TECRL: variants seen among roughly 807,000 people sequenced by gnomAD.
The protein encoded by TECRL is trans-2,3-enoyl-CoA reductase like.
A neutral mutation model predicts 52.8 loss-of-function variants in TECRL; 63 were observed. The ratio of observed to expected loss-of-function variants is 1.19; its 90% CI spans 0.97 to 1.47. TECRL has a LOEUF of 1.47. Ranked by LOEUF, TECRL falls within the 40% of genes most tolerant of loss-of-function variation. The pLI is 0.00. For synonymous variants in TECRL, 164 were observed against 141.9 expected (o/e 1.16, Z -1.10); for missense variants, 482 against 429.6 (o/e 1.12, Z -1.08).
In TECRL at chr4:64,278,335, A is replaced by G. The variant is rs1358907776; in HGVS notation, c.*1737T>C. The G allele has an allele frequency of 2.9e-5, 5 of 174,336 alleles. No homozygotes were observed. In the East Asian group the frequency reaches 9.5e-4, roughly 33 times the overall value. 10.8% of individuals were successfully genotyped at this position (174,336 alleles called of 1,614,324 possible). Reference sequence around the variant, plus strand: ...TTCCGCAAGAATTTGAACTAATGACATAATACCTATGACACATCTCACTAA... The same window carrying G: ...TTCCGCAAGAATTTGAACTAATGACGTAATACCTATGACACATCTCACTAA... On this transcript the variant is annotated 3_prime_UTR_variant, in exon 12 of 12. Coordinates refer to ENST00000381210, the MANE Select transcript of TECRL (RefSeq NM_001010874.5).
chr4:64,373,385 C>T (rs1722117173), intron 2 of TECRL, among the ~76,000 whole-genome samples: 1 of 151,696 alleles, frequency 6.6e-6, no homozygotes, highest in Non-Finnish European at 1.5e-5. Context: ...GTCATATTGT[C>T]AGCTATCTAC....
intron 2 of TECRL, among the ~76,000 whole-genome samples, chr4:64,363,015 A>ACG (rs1721306155): frequency 6.8e-6 from 1 of 147,728 alleles, no homozygotes; most frequent in Non-Finnish European, 1.5e-5. Flanking sequence ...CAGGCACATA[A>ACG]AAAAAAAAAA....
intron 1 of TECRL, 72 bp downstream of exon 1, chr4:64,409,046 G>A (rs1381655385): frequency 6.3e-6 from 8 of 1,278,838 alleles, no homozygotes; most frequent in African/African-American, 3.0e-5. Flanking sequence ...ATTTAATCAA[G>A]CAATCAATAA....
intron 7 of TECRL, among the ~76,000 whole-genome samples, chr4:64,304,555 A>C (rs1724215617): frequency 6.6e-6 from 1 of 152,082 alleles, no homozygotes; most frequent in Non-Finnish European, 1.5e-5. Flanking sequence ...TGAGCTTTAC[A>C]TTGTGTGCCT....
intron 2 of TECRL, among the ~76,000 whole-genome samples, chr4:64,367,794 G>T (rs902376519): frequency 2.6e-5 from 4 of 152,136 alleles, no homozygotes; most frequent in Non-Finnish European, 5.9e-5. Flanking sequence ...AATTTTTTCA[G>T]TTGTAAATTG....
Position 64,383,089 on chromosome 4 carries a change from A to T in TECRL, c.235-7866T>A, listed in dbSNP as rs573015490. ...TCTTGATTGTCAGTACTTTTAATAC[A>T]TTATCCTATTCTCTCCTGTACTTAA... On this transcript the variant is annotated intron_variant, in intron 1 of 11. Coordinates refer to ENST00000381210, the MANE Select transcript of TECRL (RefSeq NM_001010874.5). Among the ~76,000 whole-genome samples, 5 of 152,214 alleles carry T rather than the reference A, an allele frequency of 3.3e-5. No individual in the cohort carries two copies. The East Asian group carries it at 9.7e-4, about 29-fold the overall frequency.
chr4:64,349,680 T>A (rs1321699582), intron 2 of TECRL, among the ~76,000 whole-genome samples: 1 of 152,184 alleles, frequency 6.6e-6, no homozygotes, highest in African/African-American at 2.4e-5. Flanking sequence ...TTAATTTAAT[T>A]GAGAACTATG....
intron 1 of TECRL, among the ~76,000 whole-genome samples, chr4:64,404,233 A>C (rs1373358916): frequency 6.6e-6 from 1 of 151,538 alleles, no homozygotes; most frequent in African/African-American, 2.4e-5. Context: ...AAAAAAAAAA[A>C]AAACAATAGG....
At chr4:64,318,138 T>C (rs1025556114) in intron 4 of TECRL, among the ~76,000 whole-genome samples, 42 of 152,114 alleles carry the variant, frequency 2.8e-4, no homozygotes, top group African/African-American at 9.4e-4. Flanking sequence ...ATCATTAAAA[T>C]TTTTCACATA....
At chr4:64,292,820 C>T (rs746072881) in intron 8 of TECRL, among the ~76,000 whole-genome samples, 5 of 151,806 alleles carry the variant, frequency 3.3e-5, no homozygotes, top group Non-Finnish European at 7.4e-5. Context: ...AAGGTGTACA[C>T]TAAAATAGTT....
chr4:64,377,050 T>C (rs530351288), intron 1 of TECRL, among the ~76,000 whole-genome samples: 5 of 152,174 alleles, frequency 3.3e-5, no homozygotes, highest in African/African-American at 1.2e-4. Context: ...ATATGCTTTT[T>C]TCTTTCAATT....
At chr4:64,329,354 C>CT (rs963460804) in intron 2 of TECRL, among the ~76,000 whole-genome samples, 4 of 151,428 alleles carry the variant, frequency 2.6e-5, no homozygotes, top group African/African-American at 9.7e-5. Flanking sequence ...CAATTATCTT[C>CT]TTTTTTTTCA....
At chr4:64,283,961 T>C (rs1325808716) in intron 9 of TECRL, among the ~76,000 whole-genome samples, 5 of 152,040 alleles carry the variant, frequency 3.3e-5, no homozygotes, top group African/African-American at 1.2e-4. Flanking sequence ...TATATCACAA[T>C]ATAAACTACC....
At chr4:64,406,461 CA>C (rs1055103068) in intron 1 of TECRL, among the ~76,000 whole-genome samples, 4 of 151,684 alleles carry the variant, frequency 2.6e-5, no homozygotes, top group Admixed American at 2.6e-4. Flanking sequence ...AGCAAGTTAT[CA>C]AAAGGCTCAG....
chr4:64,368,542 C>T lies in TECRL; in HGVS notation c.286+6630G>A, dbSNP rs563707205. ...AACTCCTGACCTCATGATCCGCCCG[C>T]CTTGGCCTCCGAAAGTGCTGGGATT... On this transcript the variant is annotated intron_variant, in intron 2 of 11. Transcript: ENST00000381210. 9.6e-4 allele frequency among the ~76,000 whole-genome samples: 146 copies of T among 152,260 alleles called. 2 individuals carry two copies. Among genetic ancestry groups the T allele is most frequent in the South Asian group, 8.5e-3 (41 of 4,832 alleles).
chr4:64,283,644 T>C (rs532004146), intron 9 of TECRL, among the ~76,000 whole-genome samples: 2 of 152,100 alleles, frequency 1.3e-5, no homozygotes, highest in East Asian at 3.9e-4. Context: ...CTAGATAGTA[T>C]GCAAAGAGGC....
chr4:64,313,214 T>A (rs1717188332), intron 5 of TECRL, among the ~76,000 whole-genome samples: 1 of 152,110 alleles, frequency 6.6e-6, no homozygotes, highest in Non-Finnish European at 1.5e-5. Context: ...TAGTTCTTTA[T>A]CTTTTAGTAT....
chr4:64,378,772 A>G (rs563899543), intron 1 of TECRL, among the ~76,000 whole-genome samples: 5 of 152,178 alleles, frequency 3.3e-5, no homozygotes, highest in South Asian at 4.1e-4. Flanking sequence ...AACAAGGTTT[A>G]AATGTTTAAA....
In TECRL at chr4:64,307,067, C is replaced by T. The variant is rs150311058; in HGVS notation, c.658-1829G>A. ...CCAACCCCTATATTTTCAAAGACAC[C>T]TATTCTTCCTCCAAGTTTAACAACC... On this transcript the variant is annotated intron_variant, in intron 6 of 11. Coordinates refer to ENST00000381210, the MANE Select transcript of TECRL (RefSeq NM_001010874.5). Among the ~76,000 whole-genome samples, 1,310 of 152,254 alleles carry T rather than the reference C, an allele frequency of 8.6e-3. 9 individuals carry two copies. The highest frequency in any genetic ancestry group is 0.034 in the Middle Eastern group (10 of 294).
Sources: allele counts gnomAD v4.1 joint callset (sites outside exome capture counted in the v4.1 genomes callset), GRCh38; gene constraint gnomAD v4.1.1; transcripts MANE v1.5; gene names NCBI Gene and HGNC (gene_info 2026-07-23, HGNC 2026-07-21).